OSBPL10: variants seen among roughly 807,000 people sequenced by gnomAD.
OSBPL10 encodes the protein oxysterol binding protein like 10.
Under a neutral mutation model 81.7 loss-of-function variants are expected in OSBPL10, and 49 were observed. That is an observed-to-expected ratio of 0.60 (90% CI 0.48 to 0.76). OSBPL10 has a LOEUF of 0.76. OSBPL10 is among the 30% of genes least tolerant of loss of function. OSBPL10 has a pLI of 0.00. For synonymous variants in OSBPL10, 419 were observed against 383.6 expected, an observed-to-expected ratio of 1.09 and a Z score of -1.08; for missense variants, 923 against 987.8, an observed-to-expected ratio of 0.93 and a Z score of 0.88.
chr3:31,978,465 C>T (rs1214086255), intron 1 of OSBPL10, among the ~76,000 whole-genome samples: 1 of 152,222 alleles, frequency 6.6e-6, no homozygotes, highest in Non-Finnish European at 1.5e-5. Context: ...TTATCCTCTT[C>T]TCTCTTCCTT....
In OSBPL10 at chr3:31,821,747, G is replaced by C. The variant is rs549249228; in HGVS notation, c.729+8293C>G. On this transcript the variant is annotated intron_variant, in intron 4 of 11. Coordinates refer to ENST00000396556, the MANE Select transcript of OSBPL10 (RefSeq NM_017784.5). ...AACTAATCACTCTGTTCACACAAAG[G>C]GTAAATTCACTTTATACCCTAAATG... 1.1e-4 allele frequency among the ~76,000 whole-genome samples: 16 copies of C among 152,246 alleles called. No individual in the cohort carries two copies. In the East Asian group the frequency reaches 2.5e-3, roughly 24 times the overall value.
chr3:31,935,659 G>A (rs1473625816), intron 1 of OSBPL10, among the ~76,000 whole-genome samples: 1 of 151,970 alleles, frequency 6.6e-6, no homozygotes, highest in Non-Finnish European at 1.5e-5. Context: ...AAGTAGCTGG[G>A]ATTACAGGTG....
intron 4 of OSBPL10, among the ~76,000 whole-genome samples, chr3:31,810,947 A>T (rs1699663230): frequency 6.6e-6 from 1 of 152,238 alleles, no homozygotes; most frequent in Admixed American, 6.5e-5. Context: ...GCAGAAAATT[A>T]GAAACACCCT....
At chr3:31,893,446 T>C in intron 1 of OSBPL10, among the ~76,000 whole-genome samples, 1 of 152,196 alleles carries the variant, frequency 6.6e-6, no homozygotes, top group South Asian at 2.1e-4. Context: ...CTGGAACCTT[T>C]CCACACTCTT....
chr3:31,826,334 A>G (rs1700099670), intron 4 of OSBPL10, among the ~76,000 whole-genome samples: 1 of 152,242 alleles, frequency 6.6e-6, no homozygotes, highest in Non-Finnish European at 1.5e-5. Context: ...ATTGCTAGAG[A>G]GAATATGTCT....
chr3:31,675,293 A>G (rs1700439494), intron 8 of OSBPL10, among the ~76,000 whole-genome samples: 1 of 152,170 alleles, frequency 6.6e-6, no homozygotes, highest in African/African-American at 2.4e-5. Context: ...CATAAATATA[A>G]ACTTTGTAGT....
At chr3:31,987,108 A>G (rs1441409710) in intron 2 of OSBPL10, among the ~76,000 whole-genome samples, 1 of 136,718 alleles carries the variant, frequency 7.3e-6, no homozygotes. Context: ...ATATATATGT[A>G]TGTGTATACA....
intron 1 of OSBPL10, among the ~76,000 whole-genome samples, chr3:31,881,318 G>A (rs934206922): frequency 1.2e-4 from 19 of 152,182 alleles, no homozygotes; most frequent in African/African-American, 3.6e-4. Context: ...TAAATCCCAC[G>A]TTTCTCCATC....
chr3:31,786,222 G>A (rs1254609269), intron 4 of OSBPL10, among the ~76,000 whole-genome samples: 1 of 152,198 alleles, frequency 6.6e-6, no homozygotes, highest in African/African-American at 2.4e-5. Flanking sequence ...TATGTGATGA[G>A]TTGTAACTTT....
intron 2 of OSBPL10, among the ~76,000 whole-genome samples, chr3:32,038,710 A>G (rs1699543050): frequency 6.6e-6 from 1 of 152,222 alleles, no homozygotes; most frequent in African/African-American, 2.4e-5. Context: ...CATGGGCATA[A>G]GGGATCTTTC....
chr3:31,683,506 C>T (rs1700707249), intron 8 of OSBPL10, 128 bp downstream of exon 8: 2 of 1,372,168 alleles, frequency 1.5e-6, no homozygotes, highest in Admixed American at 4.6e-5. Flanking sequence ...TTACCACCCA[C>T]ACTCTAATTC....
chr3:31,810,968 G>A (rs1270294922), intron 4 of OSBPL10, among the ~76,000 whole-genome samples: 1 of 152,148 alleles, frequency 6.6e-6, no homozygotes, highest in Non-Finnish European at 1.5e-5. Flanking sequence ...AAATTGTTCA[G>A]CGAGAGTGTC....
Position 31,918,670 on chromosome 3 carries a change from T to C in OSBPL10, c.282-38840A>G, listed in dbSNP as rs147469718. 1.4e-4 allele frequency among the ~76,000 whole-genome samples: 21 copies of C among 152,250 alleles called. 1 individual carries two copies. The East Asian group carries it at 3.9e-3, about 28-fold the overall frequency. The stretch of plus-strand genomic sequence containing the variant: ...AGGATAGGAAAGCAAAGTCAGTGTA[T>C]GGGGTAGACCAGGTGAGACCATGGC... On this transcript the variant is annotated intron_variant, in intron 1 of 11. Coordinates refer to ENST00000396556, the MANE Select transcript of OSBPL10 (RefSeq NM_017784.5).
intron 4 of OSBPL10, among the ~76,000 whole-genome samples, chr3:31,812,727 A>G (rs1196830473): frequency 1.8e-4 from 3 of 16,702 alleles, no homozygotes; most frequent in African/African-American, 1.0e-3. Flanking sequence ...AAAAAGAAAG[A>G]AAGAAAGAAA....
intron 1 of OSBPL10, among the ~76,000 whole-genome samples, chr3:32,050,739 G>A (rs900580828): frequency 3.3e-5 from 5 of 149,420 alleles, no homozygotes; most frequent in African/African-American, 9.9e-5. Flanking sequence ...TCAGCTCACC[G>A]CAACCTCCGC....
At chr3:31,786,687 G>A (rs890518491) in intron 4 of OSBPL10, among the ~76,000 whole-genome samples, 1 of 152,202 alleles carries the variant, frequency 6.6e-6, no homozygotes, top group African/African-American at 2.4e-5. Flanking sequence ...ATGAATTGTG[G>A]TGGGGACACA....
intron 5 of OSBPL10, among the ~76,000 whole-genome samples, chr3:31,734,528 A>G (rs1697089382): frequency 6.6e-6 from 1 of 152,166 alleles, no homozygotes; most frequent in Non-Finnish European, 1.5e-5. Context: ...GCTTGAGCCC[A>G]GGAGTTGGAG....
At position 31,857,883 on chromosome 3, in the gene OSBPL10, GGAGAGAGAGAGAAA is replaced by G. The variant is rs566803982; in HGVS notation, c.537+18536_537+18549del. On this transcript the variant is annotated intron_variant, in intron 3 of 11. Transcript: ENST00000396556. Reference sequence around the variant, plus strand: ...GAGGGAGAGGGAGAGGGAAAGGGGGGGAGAGAGAGAGAAAGAGAGAGAGAGATACAGAAAAAGTA... The same window carrying G: ...GAGGGAGAGGGAGAGGGAAAGGGGGGGAGAGAGAGAGATACAGAAAAAGTA... Among the ~76,000 whole-genome samples, 188 of 143,862 alleles carry G rather than the reference GGAGAGAGAGAGAAA, an allele frequency of 1.3e-3. 2 individuals carry two copies. The highest frequency in any genetic ancestry group is 4.6e-3 in the African/African-American group (178 of 38,346). 94.4% of individuals were successfully genotyped at this position (143,862 alleles called of 152,430 possible).
In OSBPL10 at chr3:31,683,863, C is replaced by G. The variant is rs1700722499; in HGVS notation, c.1497G>C (p.Lys499Asn). 1 of 1,614,118 alleles carries G rather than the reference C, an allele frequency of 6.2e-7. No homozygotes were observed. Among genetic ancestry groups the G allele is most frequent in the Admixed American group, 1.7e-5 (1 of 60,006 alleles). Residue 499 changes from lysine (K) to asparagine (N), a missense_variant, in exon 8 of 12, where the codon AAG becomes AAC. Lys to Asn is a moderately conservative substitution (Grantham distance 94). Coordinates refer to ENST00000396556, the MANE Select transcript of OSBPL10 (RefSeq NM_017784.5). ...GAGAGCGGGAAGCAGTCCTCTTAGGCTTGACCCTGTCCTTGGGAACTTCCC... is the reference window on the plus strand; with the variant it reads ...GAGAGCGGGAAGCAGTCCTCTTAGGGTTGACCCTGTCCTTGGGAACTTCCC... ...CSWEVPKDRV[K>N]PKRTASRSPA...
Sources: allele counts gnomAD v4.1 joint callset (sites outside exome capture counted in the v4.1 genomes callset), GRCh38; gene constraint gnomAD v4.1.1; transcripts MANE v1.5; gene names NCBI Gene and HGNC (gene_info 2026-07-23, HGNC 2026-07-21).